ORC4: variants seen among roughly 807,000 people sequenced by gnomAD.
ORC4 encodes the protein origin recognition complex, subunit 4 homolog.
A neutral mutation model predicts 63.9 loss-of-function variants in ORC4; 55 were observed. The observed-to-expected ratio is 0.86, with a 90% CI of 0.69 to 1.08. The LOEUF (loss-of-function observed/expected upper bound fraction) is 1.08, where lower values mean the gene tolerates loss of function less well. Among genes scored for constraint, ORC4 ranks in the 50% least tolerant of loss-of-function variants. The pLI, the probability that ORC4 is intolerant of heterozygous loss-of-function variation, is 0.00. For missense variants in ORC4, 511 were observed against 504.4 expected, an observed-to-expected ratio of 1.01 and a Z score of -0.13; for synonymous variants, 150 against 168.5, an observed-to-expected ratio of 0.89 and a Z score of 0.85.
chr2:147,989,755 A>G (rs935498885), intron 1 of ORC4, among the ~76,000 whole-genome samples: 1 of 152,114 alleles, frequency 6.6e-6, no homozygotes, highest in African/African-American at 2.4e-5. Context: ...AAAACCATGC[A>G]CCACTTTCCA....
At chr2:147,966,497 A>T (rs1416195401) in intron 4 of ORC4, among the ~76,000 whole-genome samples, 1 of 152,076 alleles carries the variant, frequency 6.6e-6, no homozygotes, top group African/African-American at 2.4e-5. Context: ...ACCAAAATAA[A>T]TAAATGAGAA....
chr2:147,998,843 A>G (rs1370061931), intron 1 of ORC4, among the ~76,000 whole-genome samples: 1 of 152,214 alleles, frequency 6.6e-6, no homozygotes, highest in Admixed American at 6.5e-5. Flanking sequence ...TAAAGGTTAA[A>G]AAGAGATTAG....
In ORC4 at chr2:147,933,311, A is replaced by G. The variant is rs1009579134; in HGVS notation, c.*2199T>C. The G allele has an allele frequency of 6.6e-6, 1 of 152,206 alleles. No homozygotes were observed. Among genetic ancestry groups the G allele is most frequent in the South Asian group, 2.1e-4 (1 of 4,826 alleles). 9.4% of individuals were successfully genotyped at this position (152,206 alleles called of 1,614,324 possible). On this transcript the variant is annotated 3_prime_UTR_variant, in exon 14 of 14. Coordinates refer to ENST00000392857, the MANE Select transcript of ORC4 (RefSeq NM_181741.4). Reference sequence around the variant, plus strand: ...ACAATTAAAGCAATTTAAGAGACGAAGTTAGCTCAAAACTCTTGCGAATAG... The same window carrying G: ...ACAATTAAAGCAATTTAAGAGACGAGGTTAGCTCAAAACTCTTGCGAATAG...
chr2:147,999,875 T>C (rs978300842), intron 1 of ORC4, among the ~76,000 whole-genome samples: 1 of 151,660 alleles, frequency 6.6e-6, no homozygotes, highest in African/African-American at 2.4e-5. Flanking sequence ...TTGGAAAAAG[T>C]AGAGAAAGCA....
intron 9 of ORC4, among the ~76,000 whole-genome samples, chr2:147,944,969 C>T (rs1280096126): frequency 1.3e-5 from 2 of 151,816 alleles, no homozygotes; most frequent in African/African-American, 2.4e-5. Flanking sequence ...TGGAAGTACA[C>T]AGGGTGAACA....
At chr2:147,950,363 C>T (rs1688883196) in intron 8 of ORC4, among the ~76,000 whole-genome samples, 1 of 151,922 alleles carries the variant, frequency 6.6e-6, no homozygotes, top group Non-Finnish European at 1.5e-5. Context: ...AAAACAAAAC[C>T]AAAAAACAAA....
intron 1 of ORC4, among the ~76,000 whole-genome samples, chr2:147,990,925 C>G (rs1480129197): frequency 1.3e-5 from 2 of 152,144 alleles, no homozygotes; most frequent in Non-Finnish European, 1.5e-5. Flanking sequence ...TCTCTCTAAC[C>G]TCTGAATTTC....
intron 1 of ORC4, among the ~76,000 whole-genome samples, chr2:147,979,350 T>C (rs1361097749): frequency 1.3e-5 from 2 of 151,980 alleles, no homozygotes; most frequent in South Asian, 2.1e-4. Flanking sequence ...CTAATTACAA[T>C]AGCATCAAAA....
intron 7 of ORC4, among the ~76,000 whole-genome samples, chr2:147,953,210 C>T (rs987886986): frequency 6.6e-6 from 1 of 151,238 alleles, no homozygotes; most frequent in Non-Finnish European, 1.5e-5. Flanking sequence ...GAGGCTGAGG[C>T]AGGAGAATCT....
intron 9 of ORC4, chr2:147,947,820 A>C (rs1688739150): frequency 2.9e-6 from 1 of 346,852 alleles, no homozygotes; most frequent in Non-Finnish European, 5.2e-6. Context: ...AACTAATAAC[A>C]TAAATCCTAA....
chr2:148,018,830 A>C (rs1288715969), intron 1 of ORC4, among the ~76,000 whole-genome samples: 1 of 152,212 alleles, frequency 6.6e-6, no homozygotes, highest in East Asian at 1.9e-4. Flanking sequence ...ACCACTGAAA[A>C]GAATTGAGGA....
intron 1 of ORC4, among the ~76,000 whole-genome samples, chr2:147,986,957 C>T (rs200477175): frequency 5.3e-5 from 8 of 151,822 alleles, no homozygotes; most frequent in African/African-American, 1.5e-4. Flanking sequence ...TGAATGCATA[C>T]GGTTGCTAAT....
chr2:147,985,297 C>A (rs1573846405), intron 1 of ORC4, among the ~76,000 whole-genome samples: 2 of 152,106 alleles, frequency 1.3e-5, no homozygotes, highest in East Asian at 3.9e-4. Context: ...CCCGGGTTCA[C>A]ACCATTCTCC....
intron 1 of ORC4, among the ~76,000 whole-genome samples, chr2:148,008,340 G>A (rs1692747425): frequency 6.6e-6 from 1 of 152,148 alleles, no homozygotes; most frequent in Non-Finnish European, 1.5e-5. Flanking sequence ...ACCTTATCTA[G>A]AGAACCTTCT....
chr2:147,952,451 T>C lies in ORC4; in HGVS notation c.510A>G (p.Gln170=). 1 of 1,611,150 alleles carries C rather than the reference T, an allele frequency of 6.2e-7. No individual in the cohort carries two copies. Among genetic ancestry groups the C allele is most frequent in the Non-Finnish European group, 8.5e-7 (1 of 1,177,432 alleles). Residue 170 remains glutamine, a synonymous_variant, in exon 8 of 14, where the codon CAA becomes CAG. Transcript: ENST00000392857. ...EFDLFAHHKN[Q]TLLYNLFDIS... is the part of the protein sequence containing the mutation. ...TGTCAAAAAGATTATAGAGAAGTGT[T>C]TGGTTTTTATGATGAGCAAAAAGAT...
chr2:147,984,622 T>C (rs1419385084), intron 1 of ORC4, among the ~76,000 whole-genome samples: 1 of 152,188 alleles, frequency 6.6e-6, no homozygotes, highest in Non-Finnish European at 1.5e-5. Context: ...AGCACTACTA[T>C]ACATCAGAGA....
chr2:147,957,170 A>G (rs1417319567), intron 6 of ORC4, among the ~76,000 whole-genome samples: 1 of 147,548 alleles, frequency 6.8e-6, no homozygotes, highest in Non-Finnish European at 1.5e-5. Context: ...ATTATATATA[A>G]TCTATTAGAT....
intron 7 of ORC4, 64 bp from the exon 8 acceptor site, chr2:147,952,588 C>T (rs1428093169): frequency 2.3e-6 from 3 of 1,279,294 alleles, no homozygotes; most frequent in Non-Finnish European, 3.4e-6. Flanking sequence ...AATTTCCAAA[C>T]CATTTACTAT....
At chr2:147,987,389 T>TAC (rs765955947) in intron 1 of ORC4, among the ~76,000 whole-genome samples, 136 of 132,292 alleles carry the variant, frequency 1.0e-3, no homozygotes, top group Non-Finnish European at 1.3e-3. Context: ...TGTGTATATA[T>TAC]ATACACACAC....
Sources: allele counts gnomAD v4.1 joint callset (sites outside exome capture counted in the v4.1 genomes callset), GRCh38; gene constraint gnomAD v4.1.1; transcripts MANE v1.5; gene names NCBI Gene and HGNC (gene_info 2026-07-23, HGNC 2026-07-21).